Variants in LCP2 observed in about 807,000 individuals in gnomAD.
The protein encoded by LCP2 is 76 kDa tyrosine phosphoprotein.
A neutral mutation model predicts 74.5 loss-of-function variants in LCP2; 29 were observed. The ratio of observed to expected loss-of-function variants is 0.39; its 90% CI spans 0.29 to 0.53. LCP2 has a LOEUF of 0.53. Among genes scored for constraint, LCP2 ranks in the 20% least tolerant of loss-of-function variants. The pLI is 0.72. For synonymous variants in LCP2, 228 were observed against 229.5 expected, an observed-to-expected ratio of 0.99 and a Z score of 0.06; for missense variants, 604 against 634.6, an observed-to-expected ratio of 0.95 and a Z score of 0.52.
chr5:170,270,556 A>G, intron 7 of LCP2, 163 bp downstream of exon 7: 1 of 578,354 alleles, frequency 1.7e-6, no homozygotes, highest in Non-Finnish European at 3.0e-6. Context: ...CCAGAGAGAC[A>G]GAGTTACTTG....
intron 1 of LCP2, 100 bp downstream of exon 1, chr5:170,297,434 T>C (rs888805760): frequency 1.4e-4 from 154 of 1,066,684 alleles, no homozygotes; most frequent in Middle Eastern, 8.2e-4. Context: ...ATTGCTATCT[T>C]ATACACCTCC....
intron 19 of LCP2, chr5:170,251,924 TAAATC>T: frequency 4.0e-6 from 1 of 247,272 alleles, no homozygotes; most frequent in Non-Finnish European, 8.5e-6. Context: ...TTCTGATAAA[TAAATC>T]TAAGGTAAAG....
rs368801532 is a variant in LCP2 at position 170,270,708 on chromosome 5, C to T, written c.523+11G>A. 3.5e-5 allele frequency: 55 copies of T among 1,554,070 alleles called. No homozygotes were observed. The highest frequency in any genetic ancestry group is 3.1e-4 in the African/African-American group (22 of 71,580). ...CTGCTCGGGCCAGAAAATCCGGAAA[C>T]GGGCCCTTACCGATGTACATGGAGT... On this transcript the variant is annotated intron_variant, in intron 7 of 20. Transcript: ENST00000046794.
rs114260183 is a variant in LCP2, at chr5:170,256,364, C to T, written c.1150+162G>A. ...TTTAGGTACTATCCTATCATTCCGA[C>T]AGCCCTTGGCACACTGCAGACACGG... On this transcript the variant is annotated intron_variant, in intron 17 of 20. Transcript: ENST00000046794. This position sits in a 1 kb window ranked among gnomAD's most constrained non-coding sequence, Gnocchi z 4.5. 0.031 allele frequency among the ~76,000 whole-genome samples: 4,709 copies of T among 152,232 alleles called. 199 individuals carry two copies. The highest frequency in any genetic ancestry group is 0.098 in the African/African-American group (4,086 of 41,500).
rs757283795 is a variant in LCP2 at position 170,262,680 on chromosome 5, T to C, written c.881A>G (p.His294Arg). The change falls in exon 13 of 21, where the codon CAT becomes CGT. Residue 294 changes from histidine (H) to arginine (R), a missense_variant. His to Arg is a conservative substitution (Grantham distance 29, BLOSUM62 0). Transcript: ENST00000046794. Reference protein sequence around the residue: ...KPPLPPTTERHERSSPLPGKK... With the variant: ...KPPLPPTTERRERSSPLPGKK... ...CCCTGGCAGGGGGCTGCTCCTTTCA[T>C]GTCTTTCCGTGGTCGGTGGTAAAGG... The C allele has an allele frequency of 1.2e-6, 2 of 1,613,882 alleles. No individual in the cohort carries two copies. Among genetic ancestry groups the C allele is most frequent in the South Asian group, 1.1e-5 (1 of 91,084 alleles).
chr5:170,249,462 C>G (rs377556287), intron 20 of LCP2, among the ~76,000 whole-genome samples: 7 of 151,590 alleles, frequency 4.6e-5, no homozygotes, highest in African/African-American at 1.7e-4. Context: ...TAAATAGTCA[C>G]TATTACAATA....
chr5:170,275,495 C>A lies in LCP2; in HGVS notation c.255-144G>T, dbSNP rs879082476. 1.9e-5 allele frequency: 17 copies of A among 907,316 alleles called. No homozygotes were observed. The South Asian group carries it at 2.1e-4, about 11-fold the overall frequency. The allele number at this position is 907,316 out of a possible 1,614,324, so 56.2% of individuals were successfully genotyped here. A position where few individuals can be genotyped will look rare whatever the true frequency, so the allele number is the denominator to read the frequency against. ...AGAGGTTTGTATCCTTGCTGCTCAG[C>A]AACTGGGGCTAGGATACCCTGAAAA... On this transcript the variant is annotated intron_variant, in intron 4 of 20. Transcript: ENST00000046794.
intron 15 of LCP2, 49 bp from the exon 16 acceptor site, chr5:170,258,215 C>A: frequency 6.2e-7 from 1 of 1,603,404 alleles, no homozygotes; most frequent in South Asian, 1.1e-5. Context: ...CCCCAGCTGT[C>A]ACTAAGAAAC....
chr5:170,250,830 A>T lies in LCP2; in HGVS notation c.1379T>A (p.Val460Asp). ...TTTATCTTTGTACAACACCATGAGG[A>T]CATATGGATTGGTTGTTGTTTTTTT... ...SSKKTTTNPY[V>D]LMVLYKDKVY... The change falls in exon 20 of 21, where the codon GTC becomes GAC. Residue 460 changes from valine (V) to aspartate (D), a missense_variant. Transcript: ENST00000046794. 1 of 1,612,622 alleles carries T rather than the reference A, an allele frequency of 6.2e-7. No individual in the cohort carries two copies. Among genetic ancestry groups the T allele is most frequent in the Non-Finnish European group, 8.5e-7 (1 of 1,178,618 alleles).
At chr5:170,274,653 G>T (rs1761974509) in intron 5 of LCP2, among the ~76,000 whole-genome samples, 1 of 152,146 alleles carries the variant, frequency 6.6e-6, no homozygotes, top group Admixed American at 6.5e-5. Context: ...CAGTGGGACA[G>T]GCTGGGCCCC....
chr5:170,257,715 G>A (rs1267833288), intron 16 of LCP2, among the ~76,000 whole-genome samples: 1 of 152,026 alleles, frequency 6.6e-6, no homozygotes, highest in Non-Finnish European at 1.5e-5. Context: ...AGACTAACTG[G>A]GTTTCTTAAT....
intron 3 of LCP2, among the ~76,000 whole-genome samples, chr5:170,276,904 C>T (rs566983058): frequency 2.6e-5 from 4 of 151,670 alleles, no homozygotes; most frequent in Non-Finnish European, 2.9e-5. Flanking sequence ...GGTGAAACCC[C>T]GTCTCTACTA....
chr5:170,291,927 C>T (rs901068033), intron 2 of LCP2, among the ~76,000 whole-genome samples: 1 of 152,188 alleles, frequency 6.6e-6, no homozygotes, highest in Non-Finnish European at 1.5e-5. Context: ...AATCTCAATA[C>T]AAATAAATAA....
chr5:170,264,404 C>T (rs909134938), intron 10 of LCP2, among the ~76,000 whole-genome samples: 1 of 152,230 alleles, frequency 6.6e-6, no homozygotes, highest in Non-Finnish European at 1.5e-5. Flanking sequence ...ACAGTTAGTG[C>T]CCTATGGCGA....
intron 2 of LCP2, among the ~76,000 whole-genome samples, chr5:170,289,800 A>C (rs1401076426): frequency 1.4e-5 from 2 of 144,146 alleles, no homozygotes; most frequent in African/African-American, 5.2e-5. Context: ...CTGCTTCTGA[A>C]CTACTCCCAC....
intron 3 of LCP2, among the ~76,000 whole-genome samples, chr5:170,280,519 G>A (rs1389225383): frequency 1.3e-5 from 2 of 152,134 alleles, no homozygotes; most frequent in Non-Finnish European, 2.9e-5. Context: ...TAAGACTCAG[G>A]AAGGAGCCTT....
chr5:170,280,512 G>C (rs1485466466), intron 3 of LCP2, among the ~76,000 whole-genome samples: 1 of 152,146 alleles, frequency 6.6e-6, no homozygotes, highest in East Asian at 1.9e-4. Flanking sequence ...GATGTTTTAA[G>C]ACTCAGGAAG....
Position 170,268,408 on chromosome 5 carries a change from GGGGCGGGA to G in LCP2, c.590_597del (p.Leu197ProfsTer52). The G allele has an allele frequency of 3.9e-6, 3 of 771,012 alleles. No homozygotes were observed. The highest frequency in any genetic ancestry group is 1.7e-6 in the Non-Finnish European group (1 of 587,182). The allele number at this position is 771,012 out of a possible 1,614,324, so 47.8% of individuals were successfully genotyped here. A position where few individuals can be genotyped will look rare whatever the true frequency, so the allele number is the denominator to read the frequency against. The stretch of plus-strand genomic sequence containing the variant: ...ACCGAGTGATTCCGGCCGGCTGGTG[GGGGCGGGA>G]GGGCGGCCATCGGTCTCTGGGGGGG... On this transcript the variant is annotated frameshift_variant, in exon 8 of 21. Transcript: ENST00000046794. LOFTEE classifies it high-confidence loss of function.
At chr5:170,291,664 C>T (rs146041371) in intron 2 of LCP2, among the ~76,000 whole-genome samples, 69 of 152,300 alleles carry the variant, frequency 4.5e-4, no homozygotes, top group Admixed American at 3.0e-3. Context: ...GGGGCCATCA[C>T]CCACTATGAC....
Sources: allele counts gnomAD v4.1 joint callset (sites outside exome capture counted in the v4.1 genomes callset), GRCh38; gene constraint gnomAD v4.1.1; non-coding constraint Gnocchi (gnomAD v3.1); transcripts MANE v1.5; gene names NCBI Gene and HGNC (gene_info 2026-07-23, HGNC 2026-07-21).